CLHC1: variants seen among roughly 807,000 people sequenced by gnomAD.
The protein encoded by CLHC1 is clathrin heavy chain linker domain-containing protein 1.
CLHC1 carries 72 observed loss-of-function variants against 69.5 expected under a neutral mutation model. The observed-to-expected ratio is 1.04, with a 90% CI of 0.86 to 1.26. The LOEUF (loss-of-function observed/expected upper bound fraction) is 1.26, where lower values mean the gene tolerates loss of function less well. Ranked by LOEUF, CLHC1 falls within the 50% of genes most tolerant of loss-of-function variation. The pLI, the probability that CLHC1 is intolerant of heterozygous loss-of-function variation, is 0.00. For missense variants in CLHC1, 790 were observed against 679.3 expected (o/e 1.16, Z -1.81); for synonymous variants, 223 against 224.3 (o/e 0.99, Z 0.05).
chr2:55,208,429 A>C (rs13420684), intron 8 of CLHC1, among the ~76,000 whole-genome samples, 197 bp downstream of exon 8: 48,561 of 151,988 alleles, frequency 0.32, 7,988 homozygotes, highest in African/African-American at 0.38. Context: ...AGTGCTCAAA[A>C]TTTTTCGGAT....
At chr2:55,223,419 G>A (rs1243087921) in intron 2 of CLHC1, among the ~76,000 whole-genome samples, 1 of 152,126 alleles carries the variant, frequency 6.6e-6, no homozygotes, top group African/African-American at 2.4e-5. Context: ...ATCATGGGCG[G>A]CGGCGGCCTG....
intron 11 of CLHC1, among the ~76,000 whole-genome samples, chr2:55,178,780 G>C (rs72797558): frequency 0.064 from 9,749 of 152,140 alleles, 420 homozygotes; most frequent in Admixed American, 0.13. Context: ...AACATAATTT[G>C]AACTCTGAAA....
Position 55,212,560 on chromosome 2 carries a change from C to T in CLHC1, c.499+113G>A. 6.1e-6 allele frequency: 5 copies of T among 819,212 alleles called. No homozygotes were observed. In the East Asian group the frequency reaches 7.5e-5, roughly 12 times the overall value. 50.7% of individuals were successfully genotyped at this position (819,212 alleles called of 1,614,324 possible). The stretch of plus-strand genomic sequence containing the variant: ...CCTGACTAAAATTATGTGTACAACA[C>T]ACACACATGTGCAAGATGCACATAC... On this transcript the variant is annotated intron_variant, in intron 5 of 12. Transcript: ENST00000401408.
chr2:55,231,656 C>G lies in CLHC1; in HGVS notation c.-256+567G>C, dbSNP rs62135142. On this transcript the variant is annotated intron_variant, in intron 1 of 12. Transcript: ENST00000401408. ...AATACAGAAGACATTAGAAAGGACT[C>G]TGGTTTGTGGAGTGGAGAAAGGACA... Among the ~76,000 whole-genome samples the G allele has an allele frequency of 4.3e-3, 658 of 152,256 alleles. 5 individuals are homozygous for G. Among genetic ancestry groups the G allele is most frequent in the Non-Finnish European group, 6.9e-3 (468 of 68,010 alleles).
rs1292200844 is a variant in CLHC1, at chr2:55,184,904, C to CA, written c.1007-3161dup. On this transcript the variant is annotated intron_variant, in intron 9 of 12. Coordinates refer to ENST00000401408, the MANE Select transcript of CLHC1 (RefSeq NM_152385.4). ...TGGGTGACAGACTGAGACTCCATCT[C>CA]AAAAAAAAAAACAAAACACACACAC... 5.8e-3 allele frequency among the ~76,000 whole-genome samples: 633 copies of CA among 108,350 alleles called. 3 individuals carry two copies. Among genetic ancestry groups the CA allele is most frequent in the African/African-American group, 0.016 (452 of 28,468 alleles). The allele number at this position is 108,350 out of a possible 152,430, so 71.1% of individuals were successfully genotyped here. A position where few individuals can be genotyped will look rare whatever the true frequency, so the allele number is the denominator to read the frequency against.
intron 7 of CLHC1, among the ~76,000 whole-genome samples, chr2:55,209,013 G>A (rs1672723445): frequency 1.3e-5 from 2 of 151,940 alleles, no homozygotes; most frequent in African/African-American, 2.4e-5. Flanking sequence ...TGGGACTACA[G>A]GTGCCTGCAA....
intron 9 of CLHC1, among the ~76,000 whole-genome samples, chr2:55,203,793 GAA>G (rs1035681440): frequency 6.6e-6 from 1 of 151,862 alleles, no homozygotes; most frequent in Non-Finnish European, 1.5e-5. Flanking sequence ...GGCAATTGAA[GAA>G]AAAAATGGAC....
chr2:55,196,801 T>G (rs578212271), intron 9 of CLHC1, among the ~76,000 whole-genome samples: 3 of 152,308 alleles, frequency 2.0e-5, no homozygotes, highest in Non-Finnish European at 4.4e-5. Context: ...GTGATCAGCT[T>G]CTTCTTGAGA....
intron 5 of CLHC1, 29 bp from the exon 6 acceptor site, chr2:55,209,860 G>T: frequency 1.4e-6 from 2 of 1,455,038 alleles, no homozygotes; most frequent in South Asian, 1.2e-5. Context: ...AATCAAACAC[G>T]ACAAGCCATG....
At chr2:55,223,460 G>C (rs1674362738) in intron 2 of CLHC1, among the ~76,000 whole-genome samples, 1 of 152,108 alleles carries the variant, frequency 6.6e-6, no homozygotes, top group Non-Finnish European at 1.5e-5. Flanking sequence ...GGCCGGCCCC[G>C]CGCAGCCTCA....
chr2:55,215,808 G>C (rs1673437791), intron 4 of CLHC1, among the ~76,000 whole-genome samples: 1 of 151,966 alleles, frequency 6.6e-6, no homozygotes, highest in Admixed American at 6.6e-5. Flanking sequence ...CTTATCTTTT[G>C]TCTTCTGTTA....
chr2:55,196,918 G>A (rs1000115493), intron 9 of CLHC1, among the ~76,000 whole-genome samples: 24 of 152,178 alleles, frequency 1.6e-4, no homozygotes, highest in African/African-American at 5.1e-4. Context: ...CCAGCACTTC[G>A]TTCTTGGATG....
rs141981706 is a variant in CLHC1, at chr2:55,209,406, T to A, written c.812A>T (p.Gln271Leu). ...ATTTAAAAATATAGATAATCTACCTTGTAAATATTTGGTTTTCTGAATTTG... is the reference window on the plus strand; with the variant it reads ...ATTTAAAAATATAGATAATCTACCTAGTAAATATTTGGTTTTCTGAATTTG... ...VEQIQKTKYLQGDQGIVEELM... is the reference protein window; with the variant it reads ...VEQIQKTKYLLGDQGIVEELM... Residue 271 changes from glutamine (Q) to leucine (L), a missense_variant and splice_region_variant, in exon 7 of 13, where the codon CAA becomes CTA. Coordinates refer to ENST00000401408, the MANE Select transcript of CLHC1 (RefSeq NM_152385.4). 115 of 1,572,186 alleles carry A rather than the reference T, an allele frequency of 7.3e-5. No individual in the cohort carries two copies. Among genetic ancestry groups the A allele is most frequent in the Non-Finnish European group, 7.8e-6 (9 of 1,151,934 alleles).
chr2:55,194,214 T>A (rs543841564), intron 9 of CLHC1, among the ~76,000 whole-genome samples: 1 of 152,316 alleles, frequency 6.6e-6, no homozygotes, highest in East Asian at 1.9e-4. Context: ...GTTTCCCAAC[T>A]CTGTATTACA....
intron 10 of CLHC1, among the ~76,000 whole-genome samples, chr2:55,181,057 T>A (rs1356630470): frequency 6.6e-6 from 1 of 152,178 alleles, no homozygotes; most frequent in Non-Finnish European, 1.5e-5. Flanking sequence ...CTCGTCTCAC[T>A]GAAACCTCTG....
intron 9 of CLHC1, among the ~76,000 whole-genome samples, chr2:55,190,676 G>C (rs1670839706): frequency 6.6e-6 from 1 of 152,036 alleles, no homozygotes. Context: ...AACAGCAATA[G>C]AAAATATCCA....
At chr2:55,202,101 C>A (rs1671997952) in intron 9 of CLHC1, among the ~76,000 whole-genome samples, 1 of 152,010 alleles carries the variant, frequency 6.6e-6, no homozygotes, top group South Asian at 2.1e-4. Context: ...AGATCTGGAA[C>A]ACAACAAAGA....
chr2:55,222,671 G>C (rs1039141467), intron 2 of CLHC1, among the ~76,000 whole-genome samples, 178 bp from the exon 3 acceptor site: 2 of 152,122 alleles, frequency 1.3e-5, no homozygotes, highest in African/African-American at 4.8e-5. Context: ...TGTAATCCCA[G>C]CTCTTTGGGA....
At chr2:55,203,576 A>G (rs945696575) in intron 9 of CLHC1, among the ~76,000 whole-genome samples, 1 of 152,212 alleles carries the variant, frequency 6.6e-6, no homozygotes, top group African/African-American at 2.4e-5. Flanking sequence ...CAGTCTCTTC[A>G]GTAAATGGTG....
Sources: gnomAD v4.1 joint callset for allele counts (sites outside exome capture counted in the v4.1 genomes callset) on GRCh38, gnomAD v4.1.1 for gene constraint, MANE v1.5 for transcripts, NCBI Gene and HGNC (gene_info 2026-07-23, HGNC 2026-07-21) for gene names.